Variants in ANO3 observed in about 807,000 individuals in gnomAD.
ANO3 encodes the protein anoctamin-3.
ANO3 carries 99 observed loss-of-function variants against 144.8 expected under a neutral mutation model. The ratio of observed to expected loss-of-function variants is 0.68; its 90% CI spans 0.58 to 0.81. The LOEUF is 0.81. Ranked by LOEUF, ANO3 falls within the 30% of genes least tolerant of loss-of-function variation. The pLI, the probability that ANO3 is intolerant of heterozygous loss-of-function variation, is 0.00. For missense variants in ANO3, 905 were observed against 1,202.2 expected, an observed-to-expected ratio of 0.75 and a Z score of 3.66; for synonymous variants, 414 against 392.6, an observed-to-expected ratio of 1.05 and a Z score of -0.64.
chr11:26,433,878 A>G (rs1047229576), intron 1 of ANO3, among the ~76,000 whole-genome samples: 1 of 152,100 alleles, frequency 6.6e-6, no homozygotes, highest in Non-Finnish European at 1.5e-5. Flanking sequence ...TTATGCCTCT[A>G]CCAGATTTTG....
intron 5 of ANO3, among the ~76,000 whole-genome samples, chr11:26,511,586 C>T (rs749916727): frequency 7.9e-5 from 12 of 152,050 alleles, no homozygotes; most frequent in Non-Finnish European, 1.6e-4. Context: ...TCATTTGAAA[C>T]TGTGATAAGT....
At chr11:26,231,513 C>G (rs1397823789) in intron 1 of ANO3, among the ~76,000 whole-genome samples, 1 of 152,152 alleles carries the variant, frequency 6.6e-6, no homozygotes. Context: ...AGCAGTGAAT[C>G]AGTCATTCAT....
chr11:26,502,805 G>T (rs1313899024), intron 4 of ANO3, among the ~76,000 whole-genome samples: 1 of 150,086 alleles, frequency 6.7e-6, no homozygotes, highest in Non-Finnish European at 1.5e-5. Flanking sequence ...TAGCACACAG[G>T]TGTTAAATGA....
intron 17 of ANO3, among the ~76,000 whole-genome samples, chr11:26,618,642 C>T (rs539293404): frequency 6.6e-6 from 1 of 152,264 alleles, no homozygotes; most frequent in South Asian, 2.1e-4. Flanking sequence ...TTGCTTAAAA[C>T]CACTTTTCCA....
chr11:26,425,085 A>G (rs1389507576), intron 1 of ANO3, among the ~76,000 whole-genome samples: 1 of 151,722 alleles, frequency 6.6e-6, no homozygotes, highest in Non-Finnish European at 1.5e-5. Context: ...CCTGTGTCCA[A>G]GTGTTCTTGC....
chr11:26,261,928 C>G (rs1265794876), intron 1 of ANO3, among the ~76,000 whole-genome samples: 2 of 152,060 alleles, frequency 1.3e-5, no homozygotes, highest in African/African-American at 4.8e-5. Context: ...AAAAGCTGAC[C>G]ACCAGCACCA....
chr11:26,415,815 A>G (rs1206346279), intron 1 of ANO3, among the ~76,000 whole-genome samples: 1 of 152,108 alleles, frequency 6.6e-6, no homozygotes, highest in East Asian at 1.9e-4. Flanking sequence ...TTTTGAAAGC[A>G]TTATTTTCTA....
At chr11:26,251,402 T>G (rs1008942175) in intron 1 of ANO3, among the ~76,000 whole-genome samples, 1 of 152,190 alleles carries the variant, frequency 6.6e-6, no homozygotes, top group East Asian at 1.9e-4. Flanking sequence ...ATTTTTCAAA[T>G]GAAAATCTCT....
intron 1 of ANO3, among the ~76,000 whole-genome samples, chr11:26,435,706 G>A (rs1053213268): frequency 6.6e-6 from 1 of 152,080 alleles, no homozygotes; most frequent in Non-Finnish European, 1.5e-5. Context: ...GCTGCATTGT[G>A]AAATTATTGC....
At chr11:26,656,560 G>A (rs901228973) in intron 26 of ANO3, 79 bp downstream of exon 26, 3 of 942,600 alleles carry the variant, frequency 3.2e-6, no homozygotes, top group Non-Finnish European at 5.1e-6. Context: ...TTTGAAATCA[G>A]TTCCTCAGAC....
At chr11:26,507,921 C>T (rs766261954) in intron 4 of ANO3, among the ~76,000 whole-genome samples, 183 bp from the exon 5 acceptor site, 20 of 152,184 alleles carry the variant, frequency 1.3e-4, no homozygotes, top group African/African-American at 3.4e-4. Flanking sequence ...GAACATCACT[C>T]GCTAATGTGG....
chr11:26,613,284 A>G (rs956009676), intron 17 of ANO3, among the ~76,000 whole-genome samples: 8 of 152,226 alleles, frequency 5.3e-5, no homozygotes, highest in African/African-American at 1.4e-4. Flanking sequence ...GGAACTGTCA[A>G]TTGTATTTTT....
chr11:26,455,804 C>T (rs867749087), intron 3 of ANO3, among the ~76,000 whole-genome samples: 45 of 150,674 alleles, frequency 3.0e-4, no homozygotes, highest in African/African-American at 1.1e-3. Flanking sequence ...GGAGGCATCA[C>T]ACTACCTGAC....
At chr11:26,489,459 A>G (rs1431340814) in intron 4 of ANO3, among the ~76,000 whole-genome samples, 1 of 152,208 alleles carries the variant, frequency 6.6e-6, no homozygotes, top group East Asian at 1.9e-4. Context: ...GAGCTCCCAA[A>G]CGTAGTCTCT....
intron 15 of ANO3, 61 bp from the exon 16 acceptor site, chr11:26,598,797 T>C: frequency 6.5e-7 from 1 of 1,545,728 alleles, no homozygotes; most frequent in Non-Finnish European, 8.8e-7. Context: ...TATCAATTCT[T>C]GGGGGTATGT....
intron 1 of ANO3, among the ~76,000 whole-genome samples, chr11:26,203,541 G>A (rs924440631): frequency 3.3e-5 from 5 of 152,094 alleles, no homozygotes; most frequent in Admixed American, 2.6e-4. Flanking sequence ...AAGGCAAAGG[G>A]GCTTGGGCTA....
intron 12 of ANO3, among the ~76,000 whole-genome samples, chr11:26,548,909 G>A (rs998576557): frequency 2.0e-5 from 3 of 151,084 alleles, no homozygotes; most frequent in African/African-American, 7.3e-5. Context: ...GTAACATCCG[G>A]GGCTCAGAAG....
chr11:26,210,975 A>G (rs750213373), intron 1 of ANO3, among the ~76,000 whole-genome samples: 6 of 152,132 alleles, frequency 3.9e-5, no homozygotes, highest in Non-Finnish European at 7.3e-5. Flanking sequence ...AAGGATATTC[A>G]GGACTTGAAC....
intron 1 of ANO3, among the ~76,000 whole-genome samples, chr11:26,299,255 T>C (rs1377122613): frequency 6.6e-6 from 1 of 152,076 alleles, no homozygotes; most frequent in Non-Finnish European, 1.5e-5. Context: ...TGGGGGAAGT[T>C]TATCAAGGAG....
Sources: gnomAD v4.1 joint callset for allele counts (sites outside exome capture counted in the v4.1 genomes callset) on GRCh38, gnomAD v4.1.1 for gene constraint, MANE v1.5 for transcripts, NCBI Gene and HGNC (gene_info 2026-07-23, HGNC 2026-07-21) for gene names.